Variants in PCDHA7 observed in about 807,000 individuals in gnomAD.
The protein encoded by PCDHA7 is protocadherin alpha-7.
A neutral mutation model predicts 57.2 loss-of-function variants in PCDHA7; 37 were observed. The observed-to-expected ratio is 0.65, with a 90% CI of 0.50 to 0.85. PCDHA7 has a LOEUF of 0.85. PCDHA7 is among the 40% of genes least tolerant of loss of function. The probability of loss-of-function intolerance (pLI) is 0.00; values close to 1 mark genes in which losing one functional copy is unlikely to be tolerated. For missense variants in PCDHA7, 1,188 were observed against 1,241.8 expected (o/e 0.96, Z 0.65); for synonymous variants, 553 against 558.8 (o/e 0.99, Z 0.15).
At chr5:140,939,712 C>T (rs1019626550) in intron 1 of PCDHA7, among the ~76,000 whole-genome samples, 2 of 152,256 alleles carry the variant, frequency 1.3e-5, no homozygotes, top group East Asian at 1.9e-4. Context: ...TTGTGAGATA[C>T]ATTTATATTG....
chr5:140,835,505 GT>G lies in PCDHA7; in HGVS notation c.1125del (p.Phe375LeufsTer15). 6.2e-7 allele frequency: 1 copy of G among 1,613,954 alleles called. No individual in the cohort carries two copies. Among genetic ancestry groups the G allele is most frequent in the Non-Finnish European group, 8.5e-7 (1 of 1,179,868 alleles). ...PGTVITLISV[F>X]DRDFGVNGQV... ...GTACCGTCATCACATTGATTAGCGTGTTTGACCGAGATTTTGGAGTCAACGG... is the reference window on the plus strand; with the variant it reads ...GTACCGTCATCACATTGATTAGCGTGTTGACCGAGATTTTGGAGTCAACGG... On this transcript the variant is annotated frameshift_variant, in exon 1 of 4. Transcript: ENST00000525929. LOFTEE classifies it high-confidence loss of function.
Position 140,843,444 on chromosome 5 carries a change from C to G in PCDHA7, c.2355+6706C>G. The G allele has an allele frequency of 1.3e-6, 2 of 1,596,146 alleles. 1 individual carries two copies. ...CTGATCATCGCCATCTGCGCGGTAT[C>G]CAGCCTGCTGGTGCTCACGCTGCTG... On this transcript the variant is annotated intron_variant, in intron 1 of 3. Transcript: ENST00000525929.
chr5:140,834,793 A>G lies in PCDHA7; in HGVS notation c.410A>G (p.Gln137Arg), dbSNP rs1554134523. Reference protein sequence around the residue: ...NDNPPVFPATQRNLFIAESRP... With the variant: ...NDNPPVFPATRRNLFIAESRP... ...AACCCTCCGGTGTTCCCAGCGACAC[A>G]AAGGAATCTGTTCATCGCGGAATCC... The change falls in exon 1 of 4, where the codon CAA (glutamine) becomes CGA (arginine). Residue 137 changes from glutamine to arginine, a missense_variant. By Grantham distance (43) the Gln-to-Arg change is conservative. Coordinates refer to ENST00000525929, the MANE Select transcript of PCDHA7 (RefSeq NM_018910.3). 4 of 1,613,670 alleles carry G rather than the reference A, an allele frequency of 2.5e-6. No individual in the cohort carries two copies. Among genetic ancestry groups the G allele is most frequent in the South Asian group, 2.2e-5 (2 of 90,988 alleles).
rs573174481 is a variant in PCDHA7 at position 140,990,482 on chromosome 5, T to C, written c.2503+7919T>C. Among the ~76,000 whole-genome samples, 3 of 152,318 alleles carry C rather than the reference T, an allele frequency of 2.0e-5. No homozygotes were observed. In the South Asian group the frequency reaches 6.2e-4, roughly 32 times the overall value. On this transcript the variant is annotated intron_variant, in intron 3 of 3. Transcript: ENST00000525929. ...AGGTGGTATCATGTATCAAGCTGAA[T>C]AGTGAGGTGACATTCCCCAAGTCTT... is the stretch of plus-strand genomic sequence containing the variant.
rs1554150162 is a variant in PCDHA7 at position 140,857,521 on chromosome 5, C to T, written c.2355+20783C>T. 5 of 1,598,106 alleles carry T rather than the reference C, an allele frequency of 3.1e-6. 1 individual carries two copies. In the South Asian group the frequency reaches 4.4e-5, roughly 14 times the overall value. On this transcript the variant is annotated intron_variant, in intron 1 of 3. Coordinates refer to ENST00000525929, the MANE Select transcript of PCDHA7 (RefSeq NM_018910.3). Reference sequence around the variant, plus strand: ...CGCAGGAGAACGCCCTGGTGTCCTACTCTCTGGTGGAGCGGCGGTTGGGCG... The same window carrying T: ...CGCAGGAGAACGCCCTGGTGTCCTATTCTCTGGTGGAGCGGCGGTTGGGCG...
intron 1 of PCDHA7, chr5:140,876,542 T>C (rs782388773): frequency 5.0e-6 from 8 of 1,614,194 alleles, no homozygotes; most frequent in Non-Finnish European, 5.9e-6. Flanking sequence ...TCACTGTCGC[T>C]CCCTGTGCAA....
chr5:140,836,674 C>CA lies in PCDHA7; in HGVS notation c.2292dup (p.Pro765ThrfsTer28). 1 of 1,613,468 alleles carries CA rather than the reference C, an allele frequency of 6.2e-7. No individual in the cohort carries two copies. On this transcript the variant is annotated frameshift_variant, in exon 1 of 4. Coordinates refer to ENST00000525929, the MANE Select transcript of PCDHA7 (RefSeq NM_018910.3). LOFTEE classifies it high-confidence loss of function. ...CAGAGGGTGTGCTCTGGGGAGGGCC[C>CA]ACCCAAGACAGACCTCATGGCCTTC...
chr5:140,974,680 T>C (rs2096636478), intron 1 of PCDHA7, among the ~76,000 whole-genome samples: 1 of 152,074 alleles, frequency 6.6e-6, no homozygotes, highest in African/African-American at 2.4e-5. Flanking sequence ...CCTGGCTAAT[T>C]TTGTATTTTT....
intron 1 of PCDHA7, chr5:140,876,935 C>T (rs1554169119): frequency 6.2e-7 from 1 of 1,613,746 alleles, no homozygotes; most frequent in Non-Finnish European, 8.5e-7. Context: ...CAGAAGAACG[C>T]GCTGGTGTCC....
intron 1 of PCDHA7, among the ~76,000 whole-genome samples, chr5:140,961,483 G>A (rs1365864551): frequency 6.6e-6 from 1 of 152,090 alleles, no homozygotes; most frequent in Non-Finnish European, 1.5e-5. Context: ...TCTTGTCCAC[G>A]TGAGTATATT....
Position 140,873,357 on chromosome 5 carries a change from G to T in PCDHA7, c.2355+36619G>T, listed in dbSNP as rs564914388. On this transcript the variant is annotated intron_variant, in intron 1 of 3. Coordinates refer to ENST00000525929, the MANE Select transcript of PCDHA7 (RefSeq NM_018910.3). ...TACTCATCTCCAGATGAAATTTTTG[G>T]AATAACTGAAGATCTTTTAAAGACT... Among the ~76,000 whole-genome samples the T allele has an allele frequency of 2.0e-5, 3 of 152,172 alleles. No individual in the cohort carries two copies. In the South Asian group the frequency reaches 6.2e-4, roughly 32 times the overall value.
Position 140,938,882 on chromosome 5 carries a change from C to T in PCDHA7, c.2356-40067C>T, listed in dbSNP as rs529115064. On this transcript the variant is annotated intron_variant, in intron 1 of 3. Transcript: ENST00000525929. ...AACTTAAAAGTTAAGAAGCAACACA[C>T]ACACACACAGATGCGCACACACACA... is the stretch of plus-strand genomic sequence containing the variant. Among the ~76,000 whole-genome samples the T allele has an allele frequency of 3.3e-5, 5 of 152,218 alleles. No individual in the cohort carries two copies. The South Asian group carries it at 1.0e-3, about 32-fold the overall frequency.
intron 2 of PCDHA7, among the ~76,000 whole-genome samples, chr5:140,981,925 T>C (rs2096957903): frequency 1.3e-5 from 2 of 152,160 alleles, no homozygotes; most frequent in South Asian, 2.1e-4. Flanking sequence ...CAAGTTTCTC[T>C]AGTCTCAGGA....
intron 1 of PCDHA7, chr5:140,843,829 G>C: frequency 8.5e-7 from 1 of 1,170,244 alleles, no homozygotes; most frequent in Non-Finnish European, 1.2e-6. Context: ...TTTAAACATT[G>C]TTTAGTTTTT....
At chr5:140,871,709 C>A in intron 1 of PCDHA7, 6 of 829,698 alleles carry the variant, frequency 7.2e-6, no homozygotes, top group Non-Finnish European at 1.1e-5. Flanking sequence ...CAATAAATGT[C>A]CTATTTCTCT....
chr5:140,834,630 A>G lies in PCDHA7; in HGVS notation c.247A>G (p.Ile83Val), dbSNP rs2150223003. The G allele has an allele frequency of 1.2e-6, 2 of 1,614,158 alleles. No individual in the cohort carries two copies. The highest frequency in any genetic ancestry group is 8.5e-7 in the Non-Finnish European group (1 of 1,180,014). The change falls in exon 1 of 4, where the codon ATT becomes GTT. Residue 83 changes from isoleucine to valine, a missense_variant. Transcript: ENST00000525929. The stretch of plus-strand genomic sequence containing the variant: ...TCTGGAGGTAAATCTGCAGAATGGC[A>G]TTTTGTTTGTGAATTCTCGGATCGA... ...DLLEVNLQNG[I>V]LFVNSRIDRE...
chr5:140,946,219 G>T (rs2093905754), intron 1 of PCDHA7, among the ~76,000 whole-genome samples: 1 of 151,856 alleles, frequency 6.6e-6, no homozygotes, highest in African/African-American at 2.4e-5. Context: ...TGACCAACAG[G>T]TATACTAAAA....
At chr5:140,976,832 A>G (rs246001) in intron 1 of PCDHA7, among the ~76,000 whole-genome samples, 14,161 of 152,268 alleles carry the variant, frequency 0.093, 806 homozygotes, top group Middle Eastern at 0.22. Context: ...AATGAGCAAA[A>G]CAGATATAAT....
chr5:140,927,666 G>C, intron 1 of PCDHA7: 1 of 1,614,180 alleles, frequency 6.2e-7, no homozygotes, highest in Non-Finnish European at 8.5e-7. Context: ...TTCAAGCCTT[G>C]GATCCAGATG....
Sources: allele counts gnomAD v4.1 joint callset (sites outside exome capture counted in the v4.1 genomes callset), GRCh38; gene constraint gnomAD v4.1.1; transcripts MANE v1.5; gene names NCBI Gene and HGNC (gene_info 2026-07-23, HGNC 2026-07-21).